Variants in ZNF761 observed in about 807,000 individuals in gnomAD.
The protein encoded by ZNF761 is zinc finger protein 761.
In ZNF761, 43 loss-of-function variants were observed where a neutral mutation model predicts 59.9. That is an observed-to-expected ratio of 0.72 (90% CI 0.56 to 0.92). The LOEUF is 0.92. Among genes scored for constraint, ZNF761 ranks in the 40% least tolerant of loss-of-function variants. The probability of loss-of-function intolerance (pLI) is 0.00; values close to 1 mark genes in which losing one functional copy is unlikely to be tolerated. For missense variants in ZNF761, 850 were observed against 906.1 expected (o/e 0.94, Z 0.79); for synonymous variants, 294 against 304.8 (o/e 0.96, Z 0.37).
Position 53,455,452 on chromosome 19 carries a change from A to C in ZNF761, c.945A>C (p.Arg315Ser). The change falls in exon 5 of 5, where the codon AGA (arginine) becomes AGC (serine). Residue 315 changes from arginine (R) to serine (S), a missense_variant. Physicochemically the swap from Arg to Ser is moderately radical, Grantham distance 110. Coordinates refer to ENST00000684525, the MANE Select transcript of ZNF761 (RefSeq NM_001289951.2). ...TCCATTTCAAATCAATACTTGAAAG[A>C]CATAGGATAATTCATACTGAAGAGA... ...KAFHFKSILE[R>S]HRIIHTEEKP... 2 of 1,613,574 alleles carry C rather than the reference A, an allele frequency of 1.2e-6. No individual in the cohort carries two copies. Among genetic ancestry groups the C allele is most frequent in the Non-Finnish European group, 1.7e-6 (2 of 1,179,940 alleles).
chr19:53,442,739 C>G lies in ZNF761; in HGVS notation c.-184-3488C>G, dbSNP rs1300799806. The G allele has an allele frequency of 9.5e-6, 3 of 317,076 alleles. 1 individual carries two copies. Among genetic ancestry groups the G allele is most frequent in the Non-Finnish European group, 1.9e-5 (3 of 154,076 alleles). 19.6% of individuals were successfully genotyped at this position (317,076 alleles called of 1,614,324 possible). A position where few individuals can be genotyped will look rare whatever the true frequency, so the allele number is the denominator to read the frequency against. ...AGGCTGCTTTCTCCTTTTGCCACCC[C>G]CTCCTTCCCTGCCTCTTTTTCACCA... On this transcript the variant is annotated intron_variant, in intron 1 of 4. Transcript: ENST00000684525.
At chr19:53,448,552 T>C (rs561509958) in intron 3 of ZNF761, among the ~76,000 whole-genome samples, 1 of 152,318 alleles carries the variant, frequency 6.6e-6, no homozygotes, top group Admixed American at 6.5e-5. Context: ...TGAGATGATA[T>C]CGTTATGAGA....
chr19:53,454,709 G>A lies in ZNF761; in HGVS notation c.202G>A (p.Val68Met). 35 of 1,613,634 alleles carry A rather than the reference G, an allele frequency of 2.2e-5. No homozygotes were observed. Among genetic ancestry groups the A allele is most frequent in the Non-Finnish European group, 2.5e-5 (30 of 1,179,712 alleles). Reference sequence around the variant, plus strand: ...GTCAACAGCGCAAGGCAACAGAGAAGTGTTCCATGCAGGGACATTGCAAAT... The same window carrying A: ...GTCAACAGCGCAAGGCAACAGAGAAATGTTCCATGCAGGGACATTGCAAAT... ...FLSTAQGNRE[V>M]FHAGTLQIHE... is the part of the protein sequence containing the mutation. The change falls in exon 5 of 5, where the codon GTG becomes ATG. Residue 68 changes from valine to methionine, a missense_variant. By Grantham distance (21) the Val-to-Met change is conservative. Coordinates refer to ENST00000684525, the MANE Select transcript of ZNF761 (RefSeq NM_001289951.2).
chr19:53,442,409 C>T, intron 1 of ZNF761: 1 of 939,566 alleles, frequency 1.1e-6, no homozygotes, highest in Non-Finnish European at 1.7e-6. Context: ...AAAAAGAAGA[C>T]AAATGTGAGG....
intron 4 of ZNF761, among the ~76,000 whole-genome samples, chr19:53,453,935 A>G (rs562529526): frequency 6.6e-6 from 1 of 152,244 alleles, no homozygotes; most frequent in East Asian, 1.9e-4. Context: ...CTTCATGGAT[A>G]TAGGTAATTT....
At chr19:53,452,515 T>A (rs2086230492) in intron 4 of ZNF761, among the ~76,000 whole-genome samples, 1 of 151,944 alleles carries the variant, frequency 6.6e-6, no homozygotes, top group Non-Finnish European at 1.5e-5. Flanking sequence ...AGGAGAATCA[T>A]GCCACTACAC....
In ZNF761 at chr19:53,456,226, T is replaced by C. The variant is rs186922788; in HGVS notation, c.1719T>C (p.Ser573=). ...LTLKRHRRLH[S]GENPYKCEDS... ...TTAAACGCCATCGTAGACTTCATAG[T>C]GGAGAGAACCCTTACAAATGTGAAG... Residue 573 remains serine (S), a synonymous_variant, in exon 5 of 5, where the codon AGT becomes AGC. Transcript: ENST00000684525. The C allele has an allele frequency of 2.0e-5, 33 of 1,613,736 alleles. No individual in the cohort carries two copies. In the East Asian group the frequency reaches 4.2e-4, roughly 21 times the overall value.
At position 53,454,858 on chromosome 19, in the gene ZNF761, A is replaced by G. The variant is rs370203710; in HGVS notation, c.351A>G (p.Lys117=). The G allele has an allele frequency of 5.0e-6, 8 of 1,614,216 alleles. No homozygotes were observed. In the African/African-American group the frequency reaches 1.1e-4, roughly 22 times the overall value. ...NGHEAPMTKI[K]KLTGITERYD... is the part of the protein sequence containing the mutation. ...ATGAAGCACCCATGACAAAAATCAA[A>G]AAGTTGACAGGTATTACAGAACGAT... Residue 117 remains lysine (K), a synonymous_variant, in exon 5 of 5, where the codon AAA becomes AAG. Coordinates refer to ENST00000684525, the MANE Select transcript of ZNF761 (RefSeq NM_001289951.2).
chr19:53,432,575 GTTACTGCC>G (rs2085983571), intron 1 of ZNF761, among the ~76,000 whole-genome samples: 1 of 152,182 alleles, frequency 6.6e-6, no homozygotes, highest in Non-Finnish European at 1.5e-5. Context: ...GACGCGGGGT[GTTACTGCC>G]TGCCCAGCTC....
rs369619293 is a variant in ZNF761 at position 53,442,272 on chromosome 19, G to A, written c.-184-3955G>A. 42 of 1,343,132 alleles carry A rather than the reference G, an allele frequency of 3.1e-5. 1 individual carries two copies. The African/African-American group carries it at 4.4e-4, about 14-fold the overall frequency. The allele number at this position is 1,343,132 out of a possible 1,614,324, so 83.2% of individuals were successfully genotyped here. ...GGCTCGTAAGTTGGTGATCATTGAA[G>A]GAGACATGGGATGCACAGAGGAACG... On this transcript the variant is annotated intron_variant, in intron 1 of 4. Coordinates refer to ENST00000684525, the MANE Select transcript of ZNF761 (RefSeq NM_001289951.2).
At chr19:53,446,476 A>G (rs949884745) in intron 2 of ZNF761, 139 bp downstream of exon 2, 1 of 152,126 alleles carries the variant, frequency 6.6e-6, no homozygotes, top group African/African-American at 2.4e-5. Context: ...CCTGGGTTCA[A>G]GCGATTCTCC....
Position 53,455,568 on chromosome 19 carries a change from A to G in ZNF761, c.1061A>G (p.Tyr354Cys). 1.9e-6 allele frequency: 3 copies of G among 1,613,126 alleles called. No individual in the cohort carries two copies. The highest frequency in any genetic ancestry group is 2.5e-6 in the Non-Finnish European group (3 of 1,179,544). Residue 354 changes from tyrosine to cysteine, a missense_variant, in exon 5 of 5, where the codon TAC becomes TGC. Physicochemically the swap from Tyr to Cys is radical, Grantham distance 194 (BLOSUM62 -2). Coordinates refer to ENST00000684525, the MANE Select transcript of ZNF761 (RefSeq NM_001289951.2). ...HHRLHTGEKPYKCNECGKTFS... is the reference protein window; with the variant it reads ...HHRLHTGEKPCKCNECGKTFS... The stretch of plus-strand genomic sequence containing the variant: ...CGACTTCATACTGGAGAGAAACCTT[A>G]CAAGTGTAATGAGTGTGGCAAGACC...
Position 53,456,378 on chromosome 19 carries a change from A to G in ZNF761, c.1871A>G (p.His624Arg), listed in dbSNP as rs1302899808. The change falls in exon 5 of 5, where the codon CAT (histidine) becomes CGT (arginine). Residue 624 changes from histidine (H) to arginine (R), a missense_variant. His to Arg is a conservative substitution (Grantham distance 29, BLOSUM62 0). Transcript: ENST00000684525. ...AGTCGGACGTCATCCCTTACATGCC[A>G]TCGTAGACTTCATACCGGAGAGAAA... ...TFSRTSSLTC[H>R]RRLHTGEKPY... The G allele has an allele frequency of 6.2e-7, 1 of 1,614,002 alleles. No individual in the cohort carries two copies. The highest frequency in any genetic ancestry group is 8.5e-7 in the Non-Finnish European group (1 of 1,180,006).
rs2086255472 is a variant in ZNF761, at chr19:53,455,205, A to G, written c.698A>G (p.His233Arg). 9 of 1,614,104 alleles carry G rather than the reference A, an allele frequency of 5.6e-6. No homozygotes were observed. Among genetic ancestry groups the G allele is most frequent in the Non-Finnish European group, 7.6e-6 (9 of 1,180,048 alleles). The change falls in exon 5 of 5, where the codon CAT becomes CGT. Residue 233 changes from histidine to arginine, a missense_variant. By Grantham distance (29) the His-to-Arg change is conservative. Transcript: ENST00000684525. ...AFNYSSLLRK[H>R]QIIHLADKYK... ...AATTACAGCTCACTCTTAAGGAAAC[A>G]TCAGATAATCCATTTAGCAGACAAA...
Position 53,455,116 on chromosome 19 carries a change from A to C in ZNF761, c.609A>C (p.Thr203=), listed in dbSNP as rs1465594465. ...GNNFWNSSLL[T]QKQEVHMREK... The stretch of plus-strand genomic sequence containing the variant: ...ATTTCTGGAATTCTTCATTACTCAC[A>C]CAAAAACAGGAAGTACACATGAGAG... The change falls in exon 5 of 5, where the codon ACA becomes ACC. Residue 203 remains threonine (T), a synonymous_variant. Coordinates refer to ENST00000684525, the MANE Select transcript of ZNF761 (RefSeq NM_001289951.2). 1 of 1,614,200 alleles carries C rather than the reference A, an allele frequency of 6.2e-7. No homozygotes were observed. The highest frequency in any genetic ancestry group is 8.5e-7 in the Non-Finnish European group (1 of 1,180,036).
intron 4 of ZNF761, among the ~76,000 whole-genome samples, chr19:53,450,744 C>G (rs906997892): frequency 6.6e-6 from 1 of 152,114 alleles, no homozygotes; most frequent in Non-Finnish European, 1.5e-5. Context: ...CGCCTGTAAT[C>G]CCAGCACTTT....
At chr19:53,445,635 T>C (rs1043636974) in intron 1 of ZNF761, among the ~76,000 whole-genome samples, 2 of 151,512 alleles carry the variant, frequency 1.3e-5, no homozygotes, top group African/African-American at 4.9e-5. Flanking sequence ...CAGAGGGGAG[T>C]GCCCAGCTGT....
intron 1 of ZNF761, among the ~76,000 whole-genome samples, chr19:53,439,037 GC>G (rs1445274698): frequency 6.6e-6 from 1 of 152,084 alleles, no homozygotes; most frequent in African/African-American, 2.4e-5. Context: ...ACTTTGGGCG[GC>G]CACATGGCTG....
chr19:53,445,790 C>T (rs2617744), intron 1 of ZNF761, among the ~76,000 whole-genome samples: 1,898 of 152,292 alleles, frequency 0.012, 33 homozygotes, highest in African/African-American at 0.043. Context: ...GAGGACATCA[C>T]AGCAAAATCT....
Sources: allele counts gnomAD v4.1 joint callset (sites outside exome capture counted in the v4.1 genomes callset), GRCh38; gene constraint gnomAD v4.1.1; transcripts MANE v1.5; gene names NCBI Gene and HGNC (gene_info 2026-07-23, HGNC 2026-07-21).